Variants in FBXO8 observed in about 807,000 individuals in gnomAD.
FBXO8 encodes the protein F-box protein 8.
In FBXO8, 15 loss-of-function variants were observed where a neutral mutation model predicts 33.4. The ratio of observed to expected loss-of-function variants is 0.45; its 90% CI spans 0.30 to 0.69. The LOEUF is 0.69. FBXO8 is among the 30% of genes least tolerant of loss of function. The probability of loss-of-function intolerance (pLI) is 0.08; values close to 1 mark genes in which losing one functional copy is unlikely to be tolerated. For missense variants in FBXO8, 274 were observed against 380.3 expected, an observed-to-expected ratio of 0.72 and a Z score of 2.32; for synonymous variants, 132 against 131.5, an observed-to-expected ratio of 1.00 and a Z score of -0.02.
Position 174,262,785 on chromosome 4 carries a change from T to C in FBXO8, c.308A>G (p.Asn103Ser). ...LASCVWQDLANDELLWQGLCK... is the reference protein window; with the variant it reads ...LASCVWQDLASDELLWQGLCK... The stretch of plus-strand genomic sequence containing the variant: ...TTACCCTTGCCAGAGAAGTTCATCA[T>C]TCGCAAGGTCCTGCCAAACACATGA... Residue 103 changes from asparagine (N) to serine (S), a missense_variant, in exon 2 of 6, where the codon AAT becomes AGT. Around this residue, in one of 2 missense-constraint regions of FBXO8, gnomAD observed 186 missense variants for 293.4 expected, o/e 0.63. Coordinates refer to ENST00000393674, the MANE Select transcript of FBXO8 (RefSeq NM_012180.3). The surrounding 1 kb of genome is among the most constrained non-coding windows in gnomAD (Gnocchi z 4.6). 1 of 1,613,524 alleles carries C rather than the reference T, an allele frequency of 6.2e-7. No homozygotes were observed. Among genetic ancestry groups the C allele is most frequent in the Non-Finnish European group, 8.5e-7 (1 of 1,179,530 alleles).
At position 174,281,911 on chromosome 4, in the gene FBXO8, A is replaced by G. The variant is rs2126455052; in HGVS notation, c.-9+1499T>C. ...AATAATTCAAGAAAAAGAAACAGAA[A>G]TTAAATGCATAATTCTTAGACTTTA... On this transcript the variant is annotated intron_variant, in intron 1 of 5. Coordinates refer to ENST00000393674, the MANE Select transcript of FBXO8 (RefSeq NM_012180.3). This position sits in a 1 kb window ranked among gnomAD's most constrained non-coding sequence, Gnocchi z 4.6. 6.6e-6 allele frequency among the ~76,000 whole-genome samples: 1 copy of G among 152,350 alleles called. No individual in the cohort carries two copies. Among genetic ancestry groups the G allele is most frequent in the East Asian group, 1.9e-4 (1 of 5,184 alleles).
In FBXO8 at chr4:174,257,181, C is replaced by T. The variant is rs1466228668; in HGVS notation, c.456+2518G>A. On this transcript the variant is annotated intron_variant, in intron 3 of 5. Transcript: ENST00000393674. The surrounding 1 kb of genome is among the most constrained non-coding windows in gnomAD (Gnocchi z 4.3). ...TATTGGTAGCTGCAAGGATGAAAAC[C>T]TATTTATATGTCTAGCTTTTCCAAA... Among the ~76,000 whole-genome samples the T allele has an allele frequency of 6.6e-6, 1 of 152,050 alleles. No homozygotes were observed. Among genetic ancestry groups the T allele is most frequent in the African/African-American group, 2.4e-5 (1 of 41,416 alleles).
At chr4:174,258,816 T>C (rs1736475725) in intron 3 of FBXO8, among the ~76,000 whole-genome samples, 1 of 152,064 alleles carries the variant, frequency 6.6e-6, no homozygotes, top group African/African-American at 2.4e-5. Context: ...ATTTCCCTAA[T>C]TATAACAAAG....
At chr4:174,279,939 A>C (rs1172299144) in intron 1 of FBXO8, among the ~76,000 whole-genome samples, 1 of 152,134 alleles carries the variant, frequency 6.6e-6, no homozygotes, top group Non-Finnish European at 1.5e-5. Flanking sequence ...TACAGCACTG[A>C]ATTTGGCAAT....
At chr4:174,276,288 A>G (rs1039128117) in intron 1 of FBXO8, among the ~76,000 whole-genome samples, 13 of 152,128 alleles carry the variant, frequency 8.5e-5, no homozygotes, top group African/African-American at 3.1e-4. Flanking sequence ...CCCAGGCTGG[A>G]GTGCAGTGGA....
At chr4:174,268,550 A>C (rs541816015) in intron 1 of FBXO8, among the ~76,000 whole-genome samples, 30 of 151,920 alleles carry the variant, frequency 2.0e-4, no homozygotes, top group Non-Finnish European at 3.1e-4. Context: ...CATTCTCCTG[A>C]CTCAGCCTCC....
intron 3 of FBXO8, among the ~76,000 whole-genome samples, chr4:174,242,994 T>A (rs1011211024): frequency 1.3e-5 from 2 of 151,608 alleles, no homozygotes; most frequent in Non-Finnish European, 3.0e-5. Context: ...AATGCTAAGC[T>A]ACTTTTTAAA....
chr4:174,267,960 T>C lies in FBXO8; in HGVS notation c.-8-4860A>G, dbSNP rs1476121552. 6.6e-6 allele frequency among the ~76,000 whole-genome samples: 1 copy of C among 152,238 alleles called. No individual in the cohort carries two copies. Among genetic ancestry groups the C allele is most frequent in the Non-Finnish European group, 1.5e-5 (1 of 68,034 alleles). On this transcript the variant is annotated intron_variant, in intron 1 of 5. Coordinates refer to ENST00000393674, the MANE Select transcript of FBXO8 (RefSeq NM_012180.3). This position sits in a 1 kb window ranked among gnomAD's most constrained non-coding sequence, Gnocchi z 4.7. Reference sequence around the variant, plus strand: ...GTAAATATGGATTTTGTGATGAAACTACAGCTTTATTTGTTCACTCAAAAT... The same window carrying C: ...GTAAATATGGATTTTGTGATGAAACCACAGCTTTATTTGTTCACTCAAAAT...
At chr4:174,268,279 T>C (rs146457427) in intron 1 of FBXO8, among the ~76,000 whole-genome samples, 1 of 152,202 alleles carries the variant, frequency 6.6e-6, no homozygotes, top group Non-Finnish European at 1.5e-5. Flanking sequence ...TAATACATAT[T>C]GCTAATTCAT....
chr4:174,260,071 C>A (rs142395318), intron 2 of FBXO8, among the ~76,000 whole-genome samples: 1 of 151,918 alleles, frequency 6.6e-6, no homozygotes, highest in Non-Finnish European at 1.5e-5. Context: ...TTCATGAGTA[C>A]TATCTGAAGT....
At position 174,262,842 on chromosome 4, in the gene FBXO8, G is replaced by A; in HGVS notation, c.251C>T (p.Ser84Phe). 5 of 1,614,028 alleles carry A rather than the reference G, an allele frequency of 3.1e-6. No individual in the cohort carries two copies. The highest frequency in any genetic ancestry group is 3.4e-6 in the Non-Finnish European group (4 of 1,179,932). ...GCAAAGGTCAGTTGCATTCAGGTAG[G>A]ACAAGATGGTAAAGCTTAGCTCAGG... ...LPPELSFTILSYLNATDLCLA... is the reference protein window; with the variant it reads ...LPPELSFTILFYLNATDLCLA... The change falls in exon 2 of 6, where the codon TCC becomes TTC. Residue 84 changes from serine (S) to phenylalanine (F), a missense_variant. Around this residue, in one of 2 missense-constraint regions of FBXO8, gnomAD observed 186 missense variants for 293.4 expected, o/e 0.63. Coordinates refer to ENST00000393674, the MANE Select transcript of FBXO8 (RefSeq NM_012180.3). The surrounding 1 kb of genome is among the most constrained non-coding windows in gnomAD (Gnocchi z 4.6).
At chr4:174,273,587 C>A (rs1736888689) in intron 1 of FBXO8, among the ~76,000 whole-genome samples, 1 of 152,138 alleles carries the variant, frequency 6.6e-6, no homozygotes, top group African/African-American at 2.4e-5. Flanking sequence ...TCTTAGGGAA[C>A]ACACACTGAA....
In FBXO8 at chr4:174,275,086, A is replaced by G. The variant is rs1736930446; in HGVS notation, c.-9+8324T>C. 6.6e-6 allele frequency among the ~76,000 whole-genome samples: 1 copy of G among 152,236 alleles called. No homozygotes were observed. The highest frequency in any genetic ancestry group is 1.5e-5 in the Non-Finnish European group (1 of 68,046). On this transcript the variant is annotated intron_variant, in intron 1 of 5. Transcript: ENST00000393674. This position sits in a 1 kb window ranked among gnomAD's most constrained non-coding sequence, Gnocchi z 4.4. The stretch of plus-strand genomic sequence containing the variant: ...TATCTAGAATATATAAACAACTCTC[A>G]AAACAATAGTAAACAAAAACCAAAC...
In FBXO8 at chr4:174,262,619, T is replaced by C. The variant is rs964733222; in HGVS notation, c.329+145A>G. 17 of 654,570 alleles carry C rather than the reference T, an allele frequency of 2.6e-5. 1 individual carries two copies. Among genetic ancestry groups the C allele is most frequent in the Non-Finnish European group, 3.9e-5 (15 of 387,450 alleles). The allele number at this position is 654,570 out of a possible 1,614,324, so 40.5% of individuals were successfully genotyped here. On this transcript the variant is annotated intron_variant, in intron 2 of 5. Coordinates refer to ENST00000393674, the MANE Select transcript of FBXO8 (RefSeq NM_012180.3). This position sits in a 1 kb window ranked among gnomAD's most constrained non-coding sequence, Gnocchi z 4.6. ...AAATTTGACTGTGATGCTAACTGTA[T>C]ATTTTTCCAGGTTTTAATAAAGAGC...
In FBXO8 at chr4:174,263,796, T is replaced by C. The variant is rs1012367428; in HGVS notation, c.-8-696A>G. 7.9e-5 allele frequency among the ~76,000 whole-genome samples: 12 copies of C among 152,192 alleles called. No individual in the cohort carries two copies. The highest frequency in any genetic ancestry group is 2.4e-5 in the African/African-American group (1 of 41,444). Reference sequence around the variant, plus strand: ...TCTAATTCTTCTCCACAAATCCCTATGGATTCTTCAGAAGTACCTGGGAAA... The same window carrying C: ...TCTAATTCTTCTCCACAAATCCCTACGGATTCTTCAGAAGTACCTGGGAAA... On this transcript the variant is annotated intron_variant, in intron 1 of 5. Coordinates refer to ENST00000393674, the MANE Select transcript of FBXO8 (RefSeq NM_012180.3). This position sits in a 1 kb window ranked among gnomAD's most constrained non-coding sequence, Gnocchi z 4.2.
Position 174,241,325 on chromosome 4 carries a change from A to G in FBXO8, c.457-107T>C, listed in dbSNP as rs1230806807. 4 of 591,208 alleles carry G rather than the reference A, an allele frequency of 6.8e-6. No individual in the cohort carries two copies. The highest frequency in any genetic ancestry group is 1.9e-5 in the African/African-American group (1 of 52,260). The allele number at this position is 591,208 out of a possible 1,614,324, so 36.6% of individuals were successfully genotyped here. On this transcript the variant is annotated intron_variant, in intron 3 of 5. Transcript: ENST00000393674. The surrounding 1 kb of genome is among the most constrained non-coding windows in gnomAD (Gnocchi z 4.2). ...GCTATAAATTCTTTCCAGCATTAAT[A>G]GACTTTTTGTAGCTTTATCATGCAA... is the stretch of plus-strand genomic sequence containing the variant.
intron 2 of FBXO8, among the ~76,000 whole-genome samples, chr4:174,260,447 G>A (rs1736529338): frequency 6.6e-6 from 1 of 152,010 alleles, no homozygotes; most frequent in Admixed American, 6.6e-5. Context: ...CGTTACAACA[G>A]ACAAATTAAA....
chr4:174,282,935 T>C (rs961897574), intron 1 of FBXO8, among the ~76,000 whole-genome samples: 9 of 152,184 alleles, frequency 5.9e-5, no homozygotes, highest in African/African-American at 2.2e-4. Flanking sequence ...TTGACAAGTT[T>C]TATAACCCAA....
rs185183237 is a variant in FBXO8 at position 174,245,252 on chromosome 4, G to A, written c.457-4034C>T. ...CATGGCAGTAGAAGAAAACCTAAAT[G>A]AATGCTTATGAAAAGTAAGTGTTTC... On this transcript the variant is annotated intron_variant, in intron 3 of 5. Coordinates refer to ENST00000393674, the MANE Select transcript of FBXO8 (RefSeq NM_012180.3). This position sits in a 1 kb window ranked among gnomAD's most constrained non-coding sequence, Gnocchi z 4.6. 6.6e-6 allele frequency among the ~76,000 whole-genome samples: 1 copy of A among 151,776 alleles called. No individual in the cohort carries two copies. The highest frequency in any genetic ancestry group is 1.9e-4 in the East Asian group (1 of 5,170).
Sources: allele counts gnomAD v4.1 joint callset (sites outside exome capture counted in the v4.1 genomes callset), GRCh38; gene constraint gnomAD v4.1.1; regional missense constraint gnomAD v4.1.1; non-coding constraint Gnocchi (gnomAD v3.1); transcripts MANE v1.5; gene names NCBI Gene and HGNC (gene_info 2026-07-23, HGNC 2026-07-21).